PRPS2: variants seen among roughly 807,000 people sequenced by gnomAD.
PRPS2 encodes the protein phosphoribosyl pyrophosphate synthetase 2, also known as ribose-phosphate pyrophosphokinase 2.
For synonymous variants in PRPS2, 111 were observed against 115.3 expected (o/e 0.96, Z 0.24); for missense variants, 104 against 271.5 (o/e 0.38, Z 4.34).
At position 12,823,316 on chromosome X, in the gene PRPS2, CTTTTTTTT is replaced by C; in HGVS notation, c.*529_*536del. 1.2e-5 allele frequency: 1 copy of C among 86,274 alleles called. No homozygotes were observed. Among genetic ancestry groups the C allele is most frequent in the Non-Finnish European group, 2.2e-5 (1 of 45,851 alleles). The allele number at this position is 86,274 out of a possible 1,213,427, so 7.1% of individuals were successfully genotyped here. On this transcript the variant is annotated 3_prime_UTR_variant, in exon 7 of 7. Coordinates refer to ENST00000380668, the MANE Select transcript of PRPS2 (RefSeq NM_002765.5). ...ATAATACCATGGATTTTGAATTTTC[CTTTTTTTT>C]TTTTTTTTGGATAACTCAGTTTCAG...
At chrX:12,806,417 A>G (rs1439165655) in intron 2 of PRPS2, among the ~76,000 whole-genome samples, 1 of 112,289 alleles carries the variant, frequency 8.9e-6, no homozygotes, top group East Asian at 2.8e-4. Flanking sequence ...TTTGACTTTT[A>G]TGCGTTTTTC....
At chrX:12,806,886 C>A (rs748402573) in intron 2 of PRPS2, among the ~76,000 whole-genome samples, 11 of 111,278 alleles carry the variant, frequency 9.9e-5, no homozygotes, top group Non-Finnish European at 1.7e-4. Flanking sequence ...GTCGGGAGTT[C>A]GAGACCAGTC....
rs754936825 is a variant in PRPS2 at position 12,799,210 on chromosome X, G to A, written c.126G>A (p.Val42=). 2 of 1,209,875 alleles carry A rather than the reference G, an allele frequency of 1.7e-6. No individual in the cohort carries two copies. Among genetic ancestry groups the A allele is most frequent in the Admixed American group, 4.4e-5 (2 of 45,817 alleles). The change falls in exon 2 of 7, where the codon GTG becomes GTA. Residue 42 remains valine (V), a synonymous_variant. Transcript: ENST00000380668. ...GATGGCAGTTTTCTTTTCCTAGCGT[G>A]GAGATTGGTGAAAGCGTGAGAGGGG... is the stretch of plus-strand genomic sequence containing the variant. The part of the protein sequence containing the change: ...TKKFSNQETS[V]EIGESVRGED...
intron 1 of PRPS2, among the ~76,000 whole-genome samples, chrX:12,798,480 G>A (rs1224745572): frequency 1.8e-5 from 2 of 108,342 alleles, no homozygotes; most frequent in African/African-American, 3.3e-5. Context: ...AGCTAGACTT[G>A]AAGGAAAGTA....
chrX:12,809,132 G>T (rs189844891), intron 2 of PRPS2, 102 bp from the exon 3 acceptor site: 2 of 735,102 alleles, frequency 2.7e-6, no homozygotes, highest in African/African-American at 4.3e-5. Context: ...TTGATGCTTC[G>T]TTGATTGCAT....
rs775513259 is a variant in PRPS2, at chrX:12,824,056, T to G, written c.*1260T>G. Reference sequence around the variant, plus strand: ...GTTTAGCCTCCAACTTAAATTACATTAGTCAACTTATAGATACTCATATGA... The same window carrying G: ...GTTTAGCCTCCAACTTAAATTACATGAGTCAACTTATAGATACTCATATGA... On this transcript the variant is annotated 3_prime_UTR_variant, in exon 7 of 7. Transcript: ENST00000380668. The G allele has an allele frequency of 1.8e-5, 2 of 112,664 alleles. No individual in the cohort carries two copies. The highest frequency in any genetic ancestry group is 7.4e-4 in the South Asian group (2 of 2,718). The allele number at this position is 112,664 out of a possible 1,213,427, so 9.3% of individuals were successfully genotyped here.
At chrX:12,791,648 G>T in intron 1 of PRPS2, 29 bp downstream of exon 1, 1 of 1,025,437 alleles carries the variant, frequency 9.8e-7, no homozygotes, top group East Asian at 4.3e-5. Flanking sequence ...GCCGGGCTAG[G>T]GAGAGCGCTG....
intron 6 of PRPS2, among the ~76,000 whole-genome samples, chrX:12,821,896 G>A (rs2042678153): frequency 8.9e-6 from 1 of 112,452 alleles, no homozygotes; most frequent in Admixed American, 9.4e-5. Context: ...CTATGTCGCT[G>A]TGAACCTTGG....
At chrX:12,809,840 CT>C (rs2042614006) in intron 3 of PRPS2, among the ~76,000 whole-genome samples, 181 bp from the exon 4 acceptor site, 1 of 112,285 alleles carries the variant, frequency 8.9e-6, no homozygotes, top group African/African-American at 3.2e-5. Flanking sequence ...AAATATGCCC[CT>C]ATAACATATC....
intron 2 of PRPS2, among the ~76,000 whole-genome samples, chrX:12,801,254 ATG>A (rs2042569010): frequency 3.7e-5 from 2 of 53,606 alleles, no homozygotes; most frequent in African/African-American, 7.2e-5. Flanking sequence ...GTGTGTGTGT[ATG>A]TGTGTGTGTG....
Position 12,795,357 on chromosome X carries a change from A to C in PRPS2, c.122+3738A>C, listed in dbSNP as rs759846080. Among the ~76,000 whole-genome samples, 95 of 112,055 alleles carry C rather than the reference A, an allele frequency of 8.5e-4. No individual in the cohort carries two copies. In the Middle Eastern group the frequency reaches 0.014, roughly 16 times the overall value. ...GCCATTCTTAACTCACAGGCCATAGAAAAACAGCCTATGTGCTGTGTTTTG... is the reference window on the plus strand; with the variant it reads ...GCCATTCTTAACTCACAGGCCATAGCAAAACAGCCTATGTGCTGTGTTTTG... On this transcript the variant is annotated intron_variant, in intron 1 of 6. Coordinates refer to ENST00000380668, the MANE Select transcript of PRPS2 (RefSeq NM_002765.5).
chrX:12,819,440 A>G, intron 4 of PRPS2, 67 bp from the exon 5 acceptor site: 1 of 1,129,369 alleles, frequency 8.9e-7, no homozygotes, highest in Admixed American at 2.5e-5. Flanking sequence ...CTACATTCCC[A>G]AAATACAACT....
At chrX:12,793,601 T>C (rs1423604594) in intron 1 of PRPS2, among the ~76,000 whole-genome samples, 2 of 112,435 alleles carry the variant, frequency 1.8e-5, no homozygotes, top group Non-Finnish European at 1.9e-5. Flanking sequence ...ACTGTACAAG[T>C]ACAGAGCTTA....
chrX:12,810,788 T>C (rs1462409493), intron 4 of PRPS2, among the ~76,000 whole-genome samples: 1 of 107,805 alleles, frequency 9.3e-6, no homozygotes, highest in Non-Finnish European at 1.9e-5. Flanking sequence ...TGCTCCAGGC[T>C]GCAGAGAGCT....
intron 2 of PRPS2, among the ~76,000 whole-genome samples, chrX:12,800,387 C>T (rs2042563480): frequency 9.0e-6 from 1 of 111,682 alleles, no homozygotes; most frequent in African/African-American, 3.3e-5. Flanking sequence ...TCAGGCCTAA[C>T]CTAATCCAGA....
chrX:12,803,318 C>T (rs758897102), intron 2 of PRPS2, among the ~76,000 whole-genome samples: 6 of 112,386 alleles, frequency 5.3e-5, no homozygotes, highest in South Asian at 3.7e-4. Flanking sequence ...GACAGGGTCT[C>T]GCTTCGTCAC....
At chrX:12,791,943 G>T (rs932800936) in intron 1 of PRPS2, among the ~76,000 whole-genome samples, 1 of 113,108 alleles carries the variant, frequency 8.8e-6, no homozygotes, top group Non-Finnish European at 1.9e-5. Context: ...GCCCGGAAGG[G>T]AGACGTCTGG....
chrX:12,817,664 A>C (rs1005613644), intron 4 of PRPS2, among the ~76,000 whole-genome samples: 1 of 111,154 alleles, frequency 9.0e-6, no homozygotes, highest in African/African-American at 3.3e-5. Context: ...GTGGCCATGA[A>C]CAGATGAATG....
rs1396806145 is a variant in PRPS2, at chrX:12,823,091, T to G, written c.*295T>G. 4.2e-6 allele frequency: 1 copy of G among 236,638 alleles called. No homozygotes were observed. The highest frequency in any genetic ancestry group is 2.9e-5 in the African/African-American group (1 of 34,437). The allele number at this position is 236,638 out of a possible 1,213,427, so 19.5% of individuals were successfully genotyped here. A position where few individuals can be genotyped will look rare whatever the true frequency, so the allele number is the denominator to read the frequency against. ...GTGATCTCTTCCTTTGTTCTTTCAG[T>G]ACTTTGAGGCGACAACTTTCAAGTA... On this transcript the variant is annotated 3_prime_UTR_variant, in exon 7 of 7. Coordinates refer to ENST00000380668, the MANE Select transcript of PRPS2 (RefSeq NM_002765.5).
Sources: gnomAD v4.1 joint callset for allele counts (sites outside exome capture counted in the v4.1 genomes callset) on GRCh38, gnomAD v4.1.1 for gene constraint, MANE v1.5 for transcripts, NCBI Gene and HGNC (gene_info 2026-07-23, HGNC 2026-07-21) for gene names.